Variants in TNR observed in about 807,000 individuals in gnomAD.
TNR encodes tenascin R, also known as tenascin-R.
Under a neutral mutation model 150.4 loss-of-function variants are expected in TNR, and 45 were observed. The ratio of observed to expected loss-of-function variants is 0.30; its 90% CI spans 0.24 to 0.38. TNR has a LOEUF of 0.38. TNR is among the 10% of genes least tolerant of loss of function. The pLI is 1.00. For synonymous variants in TNR, 687 were observed against 678.4 expected (o/e 1.01, Z -0.20); for missense variants, 1,544 against 1,759.1 (o/e 0.88, Z 2.19).
At chr1:175,596,609 A>C (rs112455003) in intron 1 of TNR, among the ~76,000 whole-genome samples, 1,560 of 152,352 alleles carry the variant, frequency 0.01, 23 homozygotes, top group African/African-American at 0.036. Flanking sequence ...AAAAAAAATC[A>C]TTGAAATAAT....
chr1:175,715,721 T>C (rs1346493662), intron 1 of TNR, among the ~76,000 whole-genome samples: 5 of 152,316 alleles, frequency 3.3e-5, no homozygotes, highest in Admixed American at 6.5e-5. Context: ...CCCAGGAGAA[T>C]AGGAATTCAT....
At chr1:175,418,748 A>C (rs969249476) in intron 2 of TNR, among the ~76,000 whole-genome samples, 1 of 151,502 alleles carries the variant, frequency 6.6e-6, no homozygotes, top group East Asian at 1.9e-4. Flanking sequence ...CAGTTGAAGC[A>C]GAGTAGAGAA....
At chr1:175,361,124 T>C (rs1651568094) in intron 14 of TNR, among the ~76,000 whole-genome samples, 1 of 152,166 alleles carries the variant, frequency 6.6e-6, no homozygotes, top group African/African-American at 2.4e-5. Context: ...TGCAGTGGCA[T>C]GATCATGGCT....
At chr1:175,410,061 G>T (rs1014647937) in intron 2 of TNR, among the ~76,000 whole-genome samples, 4 of 152,212 alleles carry the variant, frequency 2.6e-5, no homozygotes, top group Admixed American at 6.5e-5. Flanking sequence ...GCATGGTCAG[G>T]ACAGGCTTCT....
intron 1 of TNR, among the ~76,000 whole-genome samples, chr1:175,615,107 T>A (rs551788192): frequency 5.9e-5 from 9 of 152,236 alleles, no homozygotes; most frequent in African/African-American, 2.2e-4. Context: ...TGGAGATAAA[T>A]CGAGGGTGGA....
At chr1:175,477,432 C>T (rs1057242122) in intron 2 of TNR, among the ~76,000 whole-genome samples, 1 of 152,300 alleles carries the variant, frequency 6.6e-6, no homozygotes, top group Non-Finnish European at 1.5e-5. Flanking sequence ...CACTGTGATG[C>T]TATCTACATG....
At chr1:175,422,536 GC>G (rs112458357) in intron 2 of TNR, among the ~76,000 whole-genome samples, 31 of 152,302 alleles carry the variant, frequency 2.0e-4, no homozygotes, top group African/African-American at 7.5e-4. Context: ...GTGTGGGGTG[GC>G]CCCGAGAGGG....
At chr1:175,452,031 T>C (rs530051255) in intron 2 of TNR, among the ~76,000 whole-genome samples, 1 of 152,228 alleles carries the variant, frequency 6.6e-6, no homozygotes, top group African/African-American at 2.4e-5. Context: ...AGGCTCCCAC[T>C]CAGGGGCAAC....
chr1:175,650,939 C>T (rs75001893), intron 1 of TNR, among the ~76,000 whole-genome samples: 3,126 of 18,726 alleles, frequency 0.17, 18 homozygotes, highest in East Asian at 0.33. Flanking sequence ...TCATTACTAC[C>T]CCTCCCCATC....
At chr1:175,588,035 G>T (rs1472876661) in intron 1 of TNR, among the ~76,000 whole-genome samples, 2 of 152,168 alleles carry the variant, frequency 1.3e-5, no homozygotes, top group Non-Finnish European at 2.9e-5. Context: ...TCATGTAAAA[G>T]GTTACTAAGT....
chr1:175,498,046 A>C (rs1414366489), intron 2 of TNR, among the ~76,000 whole-genome samples: 1 of 152,152 alleles, frequency 6.6e-6, no homozygotes, highest in East Asian at 1.9e-4. Context: ...GGTAACAGAG[A>C]GAGGCTCCAT....
At chr1:175,522,588 G>T (rs1335156871) in intron 2 of TNR, among the ~76,000 whole-genome samples, 1 of 151,994 alleles carries the variant, frequency 6.6e-6, no homozygotes, top group African/African-American at 2.4e-5. Flanking sequence ...TTCTTAAATA[G>T]AACTTATGCA....
intron 1 of TNR, among the ~76,000 whole-genome samples, chr1:175,666,163 C>T (rs560305206): frequency 6.6e-6 from 1 of 152,296 alleles, no homozygotes; most frequent in South Asian, 2.1e-4. Flanking sequence ...ACCCATTATA[C>T]AGATGAGAAC....
intron 9 of TNR, among the ~76,000 whole-genome samples, chr1:175,379,034 C>G (rs961356724): frequency 6.6e-6 from 1 of 152,052 alleles, no homozygotes; most frequent in Non-Finnish European, 1.5e-5. Context: ...ACAAAATTAG[C>G]CGGGCGTGGT....
At chr1:175,738,151 AGT>A (rs1667827228) in intron 1 of TNR, among the ~76,000 whole-genome samples, 1 of 152,154 alleles carries the variant, frequency 6.6e-6, no homozygotes, top group Non-Finnish European at 1.5e-5. Flanking sequence ...TCATAGGGAA[AGT>A]GTACAATTTT....
intron 2 of TNR, among the ~76,000 whole-genome samples, chr1:175,452,637 C>A (rs113556090): frequency 0.01 from 1,524 of 152,262 alleles, 9 homozygotes; most frequent in Middle Eastern, 0.027. Context: ...GAAGCTGGGA[C>A]CTGTGGGGCC....
At chr1:175,615,330 TG>T (rs1348437809) in intron 1 of TNR, among the ~76,000 whole-genome samples, 34 of 152,236 alleles carry the variant, frequency 2.2e-4, no homozygotes, top group African/African-American at 4.8e-5. Flanking sequence ...GCACCAAGCC[TG>T]GACTTCAGTC....
chr1:175,337,085 G>C (rs1006634671), intron 19 of TNR, among the ~76,000 whole-genome samples: 1 of 152,122 alleles, frequency 6.6e-6, no homozygotes, highest in African/African-American at 2.4e-5. Context: ...TAGAGATACA[G>C]GATTTCTCCA....
chr1:175,498,695 C>T (rs1056897955), intron 2 of TNR, among the ~76,000 whole-genome samples: 42 of 152,122 alleles, frequency 2.8e-4, no homozygotes, highest in African/African-American at 1.0e-3. Context: ...TTGGAGAAAA[C>T]CATCGAGGGA....
Sources: allele counts gnomAD v4.1 joint callset (sites outside exome capture counted in the v4.1 genomes callset), GRCh38; gene constraint gnomAD v4.1.1; transcripts MANE v1.5; gene names NCBI Gene and HGNC (gene_info 2026-07-23, HGNC 2026-07-21).